The following HELZ variants were observed in gnomAD, a reference collection of about 807,000 sequenced individuals.
HELZ encodes the protein ATP-dependent RNA helicase with zinc finger domain.
A neutral mutation model predicts 218.2 loss-of-function variants in HELZ; 23 were observed. The ratio of observed to expected loss-of-function variants is 0.11; its 90% CI spans 0.08 to 0.15. HELZ has a LOEUF of 0.15. HELZ is among the 10% of genes least tolerant of loss of function. The pLI, the probability that HELZ is intolerant of heterozygous loss-of-function variation, is 1.00. For synonymous variants in HELZ, 814 were observed against 829.4 expected, an observed-to-expected ratio of 0.98 and a Z score of 0.32; for missense variants, 1,813 against 2,353.7, an observed-to-expected ratio of 0.77 and a Z score of 4.75.
At position 67,102,860 on chromosome 17, in the gene HELZ, C is replaced by T. The variant is rs73340996; in HGVS notation, c.5241+4309G>A. On this transcript the variant is annotated intron_variant, in intron 31 of 32. Transcript: ENST00000358691. Reference sequence around the variant, plus strand: ...CAAAAGTAAATTTCACTCTAAGAACCCACTGACAATGAAAGGTACTTATTC... The same window carrying T: ...CAAAAGTAAATTTCACTCTAAGAACTCACTGACAATGAAAGGTACTTATTC... 7.1e-3 allele frequency among the ~76,000 whole-genome samples: 1,074 copies of T among 152,144 alleles called. 14 individuals carry two copies. Among genetic ancestry groups the T allele is most frequent in the African/African-American group, 0.025 (1,023 of 41,506 alleles).
chr17:67,244,576 AG>A, intron 1 of HELZ: 1 of 424,094 alleles, frequency 2.4e-6, no homozygotes, highest in Non-Finnish European at 2.7e-6. Flanking sequence ...ATTTCCGAGG[AG>A]GGGGCGGGGA....
intron 3 of HELZ, among the ~76,000 whole-genome samples, chr17:67,234,611 A>G (rs2041129788): frequency 6.6e-6 from 1 of 152,020 alleles, no homozygotes; most frequent in African/African-American, 2.4e-5. Context: ...TTGGGAGGCC[A>G]AGTGCTTCAG....
intron 12 of HELZ, among the ~76,000 whole-genome samples, chr17:67,186,234 G>C (rs2039751786): frequency 6.6e-6 from 1 of 151,754 alleles, no homozygotes; most frequent in South Asian, 2.1e-4. Flanking sequence ...TCCTAATCAA[G>C]GCTAATTATA....
chr17:67,127,892 A>G (rs1202093602), intron 24 of HELZ, among the ~76,000 whole-genome samples: 2 of 151,974 alleles, frequency 1.3e-5, no homozygotes, highest in African/African-American at 4.8e-5. Context: ...AAACTGACAT[A>G]CTCTTTTAAT....
At chr17:67,170,174 G>C (rs2039266141) in intron 13 of HELZ, among the ~76,000 whole-genome samples, 1 of 152,090 alleles carries the variant, frequency 6.6e-6, no homozygotes, top group African/African-American at 2.4e-5. Context: ...TTCAGTTCTG[G>C]AGTCTCAGGA....
Position 67,107,509 on chromosome 17 carries a change from A to C in HELZ, c.4901T>G (p.Phe1634Cys). Residue 1634 changes from phenylalanine to cysteine, a missense_variant, in exon 31 of 33, where the codon TTT (phenylalanine) becomes TGT (cysteine). Physicochemically the swap from Phe to Cys is radical, Grantham distance 205 (BLOSUM62 -2). This residue lies in a region of HELZ where 938 missense variants were observed against 1,027.5 expected (regional missense o/e 0.91). Transcript: ENST00000358691. ...STDHSSHFSN[F>C]NDNSRDIEVA... ...TTCAATGTCTCTGCTGTTATCATTA[A>C]AGTTAGAAAAGTGGCTACTGTGGTC... is the stretch of plus-strand genomic sequence containing the variant. The C allele has an allele frequency of 6.2e-7, 1 of 1,614,148 alleles. No individual in the cohort carries two copies. The highest frequency in any genetic ancestry group is 8.5e-7 in the Non-Finnish European group (1 of 1,180,022).
intron 9 of HELZ, among the ~76,000 whole-genome samples, chr17:67,193,674 C>A (rs1206283452): frequency 6.6e-6 from 1 of 152,122 alleles, no homozygotes; most frequent in Non-Finnish European, 1.5e-5. Context: ...CAAGATTGTG[C>A]CACTGCATTC....
intron 3 of HELZ, among the ~76,000 whole-genome samples, chr17:67,232,162 G>A (rs565747966): frequency 6.6e-4 from 93 of 141,562 alleles, no homozygotes; most frequent in Middle Eastern, 3.9e-3. Flanking sequence ...TTTTTTTTTC[G>A]AGATAGAGCC....
At chr17:67,228,742 G>A (rs1046328863) in intron 3 of HELZ, among the ~76,000 whole-genome samples, 1 of 140,574 alleles carries the variant, frequency 7.1e-6, no homozygotes, top group Non-Finnish European at 1.6e-5. Context: ...ATTAGAGACA[G>A]AGTTTCACTC....
chr17:67,215,683 C>T (rs953618183), intron 5 of HELZ: 11 of 561,576 alleles, frequency 2.0e-5, no homozygotes, highest in African/African-American at 1.9e-4. Flanking sequence ...ATCAATGTTC[C>T]CAGGGGAGTG....
intron 7 of HELZ, among the ~76,000 whole-genome samples, chr17:67,199,123 C>A (rs1239122865): frequency 6.6e-6 from 1 of 151,836 alleles, no homozygotes; most frequent in Non-Finnish European, 1.5e-5. Flanking sequence ...AAAACATCTA[C>A]AACTGCCTTC....
chr17:67,208,536 T>A (rs1174640601), intron 5 of HELZ, among the ~76,000 whole-genome samples: 1 of 152,080 alleles, frequency 6.6e-6, no homozygotes, highest in Non-Finnish European at 1.5e-5. Flanking sequence ...TATTTCAGAA[T>A]AAAGAGTTTA....
chr17:67,145,003 A>G (rs1289333766), intron 21 of HELZ, among the ~76,000 whole-genome samples: 1 of 152,140 alleles, frequency 6.6e-6, no homozygotes, highest in Non-Finnish European at 1.5e-5. Context: ...GGAAAAATGA[A>G]TTCCTACTAC....
intron 4 of HELZ, among the ~76,000 whole-genome samples, chr17:67,216,252 C>T (rs1301871831): frequency 6.6e-6 from 1 of 152,186 alleles, no homozygotes; most frequent in African/African-American, 2.4e-5. Flanking sequence ...TTTTCATAGA[C>T]TGTCACCACC....
intron 30 of HELZ, 39 bp from the exon 31 acceptor site, chr17:67,107,724 G>C (rs748839271): frequency 2.6e-6 from 4 of 1,553,364 alleles, no homozygotes; most frequent in Non-Finnish European, 3.5e-6. Flanking sequence ...AAAACAAAAG[G>C]CTCCATCACA....
In HELZ at chr17:67,149,863, T is replaced by G; in HGVS notation, c.2475+4A>C. On this transcript the variant is annotated splice_donor_region_variant and intron_variant, in intron 19 of 32. Transcript: ENST00000358691. ...TTCAACACAGCAACTCAGAGGGCACTTACCTGCATGTGATCACCAGCCAAG... is the reference window on the plus strand; with the variant it reads ...TTCAACACAGCAACTCAGAGGGCACGTACCTGCATGTGATCACCAGCCAAG... 1 of 1,569,636 alleles carries G rather than the reference T, an allele frequency of 6.4e-7. No individual in the cohort carries two copies. Among genetic ancestry groups the G allele is most frequent in the Non-Finnish European group, 8.7e-7 (1 of 1,147,472 alleles).
chr17:67,121,433 A>G (rs2037607057), intron 26 of HELZ, among the ~76,000 whole-genome samples: 1 of 152,244 alleles, frequency 6.6e-6, no homozygotes, highest in Admixed American at 6.5e-5. Context: ...GCTAAAATCC[A>G]AAGTCTGAAG....
intron 31 of HELZ, among the ~76,000 whole-genome samples, chr17:67,089,696 G>GAGAGAGAGAGAGAGACAGAGAC (rs34752223): frequency 8.2e-6 from 1 of 122,676 alleles, no homozygotes; most frequent in Non-Finnish European, 1.7e-5. Context: ...GAGAGAGAGA[G>GAGAGAGAGAGAGAGACAGAGAC]AGAGACAGAG....
chr17:67,098,509 C>T (rs544250685), intron 31 of HELZ, among the ~76,000 whole-genome samples: 6 of 151,354 alleles, frequency 4.0e-5, no homozygotes, highest in South Asian at 4.2e-4. Flanking sequence ...CCAAGGTGGG[C>T]GGATCACCTC....
Sources: allele counts gnomAD v4.1 joint callset (sites outside exome capture counted in the v4.1 genomes callset), GRCh38; gene constraint gnomAD v4.1.1; regional missense constraint gnomAD v4.1.1; transcripts MANE v1.5; gene names NCBI Gene and HGNC (gene_info 2026-07-23, HGNC 2026-07-21).